Variants in TTC29 observed in about 807,000 individuals in gnomAD.
The protein encoded by TTC29 is tetratricopeptide repeat protein 29.
A neutral mutation model predicts 58.1 loss-of-function variants in TTC29; 49 were observed. That is an observed-to-expected ratio of 0.84 (90% CI 0.67 to 1.07). The LOEUF (loss-of-function observed/expected upper bound fraction) is 1.07, where lower values mean the gene tolerates loss of function less well. TTC29 is among the 50% of genes least tolerant of loss of function. The pLI, the probability that TTC29 is intolerant of heterozygous loss-of-function variation, is 0.00. For missense variants in TTC29, 582 were observed against 555.6 expected, an observed-to-expected ratio of 1.05 and a Z score of -0.48; for synonymous variants, 209 against 196.8, an observed-to-expected ratio of 1.06 and a Z score of -0.52.
intron 4 of TTC29, among the ~76,000 whole-genome samples, chr4:146,921,698 G>A (rs17022131): frequency 0.075 from 11,358 of 150,868 alleles, 1,452 homozygotes; most frequent in African/African-American, 0.26. Flanking sequence ...AGAAGACATC[G>A]ATTTTAATTT....
At chr4:146,857,276 G>C (rs538092188) in intron 8 of TTC29, among the ~76,000 whole-genome samples, 1 of 132,000 alleles carries the variant, frequency 7.6e-6, no homozygotes, top group South Asian at 2.6e-4. Flanking sequence ...ACTAGTGGAA[G>C]AGTGTGTGTG....
intron 11 of TTC29, among the ~76,000 whole-genome samples, chr4:146,799,509 A>G (rs1404614289): frequency 6.6e-6 from 1 of 152,218 alleles, no homozygotes; most frequent in African/African-American, 2.4e-5. Context: ...AGACAAAGTC[A>G]TGGTTTTGAT....
intron 8 of TTC29, among the ~76,000 whole-genome samples, chr4:146,866,423 C>CT (rs201371076): frequency 1.3e-5 from 2 of 151,424 alleles, no homozygotes; most frequent in East Asian, 1.9e-4. Context: ...CTCTCAAAAA[C>CT]TTTTTTTTTG....
chr4:146,730,242 A>G (rs2150019771), intron 11 of TTC29, among the ~76,000 whole-genome samples: 1 of 152,218 alleles, frequency 6.6e-6, no homozygotes, highest in African/African-American at 2.4e-5. Context: ...AAAAAGAAGG[A>G]AATCATGTCA....
In TTC29 at chr4:146,933,375, G is replaced by C. The variant is rs1735498068; in HGVS notation, c.176+4219C>G. 2.0e-5 allele frequency among the ~76,000 whole-genome samples: 3 copies of C among 152,302 alleles called. No homozygotes were observed. In the South Asian group the frequency reaches 6.2e-4, roughly 32 times the overall value. Reference sequence around the variant, plus strand: ...ACATACATAGCTAAAGCTGTAAAGTGCCCTCTAGAAATGTTTATTTGAATC... The same window carrying C: ...ACATACATAGCTAAAGCTGTAAAGTCCCCTCTAGAAATGTTTATTTGAATC... On this transcript the variant is annotated intron_variant, in intron 4 of 12. Coordinates refer to ENST00000325106, the MANE Select transcript of TTC29 (RefSeq NM_031956.4).
chr4:146,738,964 C>T (rs1340134388), intron 11 of TTC29, among the ~76,000 whole-genome samples: 2 of 152,044 alleles, frequency 1.3e-5, no homozygotes, highest in Admixed American at 6.5e-5. Context: ...TCACCTGTAC[C>T]TTTGTAATAG....
intron 11 of TTC29, among the ~76,000 whole-genome samples, chr4:146,721,993 C>T (rs1743395344): frequency 6.6e-6 from 1 of 152,058 alleles, no homozygotes; most frequent in South Asian, 2.1e-4. Flanking sequence ...GTAAAAAAAT[C>T]AGTAGCATTT....
chr4:146,743,626 C>A (rs1745326456), intron 11 of TTC29, among the ~76,000 whole-genome samples: 2 of 152,146 alleles, frequency 1.3e-5, no homozygotes, highest in South Asian at 2.1e-4. Context: ...CCTTCAAGTG[C>A]CAAATTCAAG....
At chr4:146,918,016 A>C (rs1734352428) in intron 4 of TTC29, among the ~76,000 whole-genome samples, 1 of 150,804 alleles carries the variant, frequency 6.6e-6, no homozygotes, top group African/African-American at 2.4e-5. Flanking sequence ...AATTTTAAAT[A>C]CATAAATAAA....
intron 9 of TTC29, among the ~76,000 whole-genome samples, chr4:146,828,146 T>C (rs1295907846): frequency 2.0e-5 from 3 of 152,122 alleles, no homozygotes; most frequent in Non-Finnish European, 2.9e-5. Context: ...CTTCCACATA[T>C]AGGCATAGGT....
chr4:146,846,863 T>A (rs772996269), intron 8 of TTC29, among the ~76,000 whole-genome samples: 17 of 152,198 alleles, frequency 1.1e-4, no homozygotes, highest in African/African-American at 4.1e-4. Context: ...CAGAAATCCA[T>A]GAAAGCCTTG....
intron 4 of TTC29, among the ~76,000 whole-genome samples, chr4:146,918,973 T>A (rs1734411473): frequency 6.6e-6 from 1 of 151,106 alleles, no homozygotes; most frequent in Non-Finnish European, 1.5e-5. Flanking sequence ...TAATGAAAAC[T>A]TCTCTAGTAG....
intron 5 of TTC29, among the ~76,000 whole-genome samples, chr4:146,904,166 A>G (rs2150273590): frequency 6.6e-6 from 1 of 152,336 alleles, no homozygotes; most frequent in East Asian, 1.9e-4. Flanking sequence ...AATGTAAATG[A>G]AGAGAGCAAA....
intron 8 of TTC29, among the ~76,000 whole-genome samples, chr4:146,858,828 G>A (rs956571321): frequency 1.3e-5 from 2 of 152,130 alleles, no homozygotes; most frequent in East Asian, 3.9e-4. Context: ...ATGGTGAGGT[G>A]GTAGCAGATC....
intron 4 of TTC29, among the ~76,000 whole-genome samples, chr4:146,913,036 G>T (rs754358268): frequency 1.3e-5 from 2 of 152,106 alleles, no homozygotes; most frequent in Non-Finnish European, 2.9e-5. Flanking sequence ...CAGATAACTG[G>T]AGTTTCAGGA....
At chr4:146,893,470 C>G (rs1732527612) in intron 6 of TTC29, among the ~76,000 whole-genome samples, 1 of 152,198 alleles carries the variant, frequency 6.6e-6, no homozygotes, top group Non-Finnish European at 1.5e-5. Flanking sequence ...GGAAAATTGG[C>G]TAGCCGTATA....
chr4:146,747,037 T>C (rs1400255445), intron 11 of TTC29, among the ~76,000 whole-genome samples: 2 of 151,990 alleles, frequency 1.3e-5, no homozygotes, highest in African/African-American at 4.8e-5. Flanking sequence ...TGTAATCAAC[T>C]TAGAACCAGT....
At chr4:146,928,069 G>T (rs552559985) in intron 4 of TTC29, among the ~76,000 whole-genome samples, 10 of 152,258 alleles carry the variant, frequency 6.6e-5, no homozygotes, top group Non-Finnish European at 1.3e-4. Context: ...ATACAGTCGA[G>T]CCATTTAAGA....
intron 4 of TTC29, 111 bp from the exon 5 acceptor site, chr4:146,909,360 G>C: frequency 1.2e-6 from 1 of 811,020 alleles, no homozygotes; most frequent in African/African-American, 1.7e-5. Flanking sequence ...TTATCCCTCA[G>C]TGAAAGCACT....
Sources: gnomAD v4.1 joint callset for allele counts (sites outside exome capture counted in the v4.1 genomes callset) on GRCh38, gnomAD v4.1.1 for gene constraint, MANE v1.5 for transcripts, NCBI Gene and HGNC (gene_info 2026-07-23, HGNC 2026-07-21) for gene names.